PEAK1: variants seen among roughly 807,000 people sequenced by gnomAD.
PEAK1 encodes the protein inactive tyrosine-protein kinase PEAK1.
PEAK1 carries 54 observed loss-of-function variants against 124.7 expected under a neutral mutation model. The observed-to-expected ratio is 0.43, with a 90% confidence interval of 0.35 to 0.54. PEAK1 has a LOEUF of 0.54. Ranked by LOEUF, PEAK1 falls within the 20% of genes least tolerant of loss-of-function variation. The pLI, the probability that PEAK1 is intolerant of heterozygous loss-of-function variation, is 0.01. For missense variants in PEAK1, 2,046 were observed against 2,134.5 expected (o/e 0.96, Z 0.82); for synonymous variants, 719 against 760.0 (o/e 0.95, Z 0.89).
At chr15:77,203,810 T>C (rs189480211) in intron 6 of PEAK1, among the ~76,000 whole-genome samples, 2 of 151,864 alleles carry the variant, frequency 1.3e-5, no homozygotes, top group Non-Finnish European at 2.9e-5. Context: ...ACAATAAAAC[T>C]CCTAAATGAT....
intron 8 of PEAK1, among the ~76,000 whole-genome samples, chr15:77,136,707 A>C (rs1022731993): frequency 1.3e-5 from 2 of 152,158 alleles, no homozygotes; most frequent in African/African-American, 4.8e-5. Context: ...AATAAAAATC[A>C]GAAAATTTGC....
At chr15:77,194,231 C>A (rs1379028758) in intron 6 of PEAK1, among the ~76,000 whole-genome samples, 1 of 152,190 alleles carries the variant, frequency 6.6e-6, no homozygotes, top group Non-Finnish European at 1.5e-5. Flanking sequence ...TTTGACCCAT[C>A]TAGCTATAAC....
intron 8 of PEAK1, among the ~76,000 whole-genome samples, chr15:77,146,195 G>T (rs2054163960): frequency 6.6e-6 from 1 of 152,292 alleles, no homozygotes; most frequent in East Asian, 1.9e-4. Context: ...AGCGCTCAGT[G>T]CATCATCCCC....
chr15:77,285,553 T>C (rs529442460), intron 3 of PEAK1, among the ~76,000 whole-genome samples: 44 of 152,224 alleles, frequency 2.9e-4, no homozygotes, highest in Non-Finnish European at 5.0e-4. Flanking sequence ...TCAGCAGATA[T>C]GAGTCTGAAT....
rs1184239866 is a variant in PEAK1 at position 77,175,162 on chromosome 15, C to T, written c.3137+3628G>A. On this transcript the variant is annotated intron_variant, in intron 7 of 9. Coordinates refer to ENST00000682557, the MANE Select transcript of PEAK1 (RefSeq NM_001385026.1). ...ACCATAAAAACCCTAGAAGAAAACC[C>T]AGGCATTACCATTCAGGACATAGGC... is the stretch of plus-strand genomic sequence containing the variant. Among the ~76,000 whole-genome samples, 938 of 152,042 alleles carry T rather than the reference C, an allele frequency of 6.2e-3. 21 individuals carry two copies. The highest frequency in any genetic ancestry group is 0.037 in the Admixed American group (559 of 15,182).
upstream of PEAK1, chr15:77,420,259 G>C (rs1007770514): frequency 6.7e-6 from 1 of 150,344 alleles, no homozygotes; most frequent in Non-Finnish European, 1.5e-5. Context: ...TCCTGGAGCC[G>C]TGAGCACGCG....
chr15:77,300,637 T>C (rs2063738638), intron 2 of PEAK1, among the ~76,000 whole-genome samples: 1 of 152,162 alleles, frequency 6.6e-6, no homozygotes, highest in Non-Finnish European at 1.5e-5. Flanking sequence ...CTAAAGTCCA[T>C]ATTTTATTCA....
rs2050998078 is a variant in PEAK1, at chr15:77,111,906, G to C, written c.*2250C>G. The stretch of plus-strand genomic sequence containing the variant: ...CATTGCAAGATGGGAGGTGGGGGAG[G>C]TTAAGGGAATGTGCTGGCTGACATG... On this transcript the variant is annotated 3_prime_UTR_variant, in exon 10 of 10. Transcript: ENST00000682557. The C allele has an allele frequency of 6.6e-6, 1 of 152,268 alleles. No individual in the cohort carries two copies. The highest frequency in any genetic ancestry group is 6.5e-5 in the Admixed American group (1 of 15,288). 9.4% of individuals were successfully genotyped at this position (152,268 alleles called of 1,614,324 possible).
At chr15:77,164,782 C>T (rs1433805782) in intron 7 of PEAK1, among the ~76,000 whole-genome samples, 2 of 152,146 alleles carry the variant, frequency 1.3e-5, no homozygotes, top group East Asian at 1.9e-4. Context: ...GGCCTTGATT[C>T]ACTCTAAAGA....
chr15:77,313,847 G>T (rs2064693825), intron 2 of PEAK1, among the ~76,000 whole-genome samples: 1 of 151,660 alleles, frequency 6.6e-6, no homozygotes, highest in African/African-American at 2.4e-5. Flanking sequence ...CTCCCAGAGT[G>T]CTGGGATTAC....
intron 1 of PEAK1, among the ~76,000 whole-genome samples, chr15:77,411,475 T>C (rs1485074877): frequency 6.6e-6 from 1 of 152,210 alleles, no homozygotes; most frequent in Non-Finnish European, 1.5e-5. Context: ...TGGTTGATAA[T>C]TACTAGTGTG....
chr15:77,402,402 A>G (rs559969212), intron 1 of PEAK1: 1 of 985,384 alleles, frequency 1.0e-6, no homozygotes, highest in South Asian at 4.7e-5. Flanking sequence ...TCATTCAATC[A>G]ACATATCACC....
At chr15:77,158,347 A>T (rs1219094969) in intron 8 of PEAK1, 156 bp downstream of exon 8, 2 of 670,012 alleles carry the variant, frequency 3.0e-6, no homozygotes, top group Admixed American at 2.7e-5. Flanking sequence ...AGTAAACATC[A>T]GAACGTTTTT....
At chr15:77,292,911 A>G (rs1447938007) in intron 2 of PEAK1, among the ~76,000 whole-genome samples, 1 of 152,136 alleles carries the variant, frequency 6.6e-6, no homozygotes, top group East Asian at 1.9e-4. Flanking sequence ...CTTATGATCC[A>G]GTTCTATATC....
chr15:77,375,118 T>C (rs1272025172), intron 1 of PEAK1, among the ~76,000 whole-genome samples: 2 of 152,196 alleles, frequency 1.3e-5, no homozygotes, highest in South Asian at 2.1e-4. Flanking sequence ...AGAAAATATA[T>C]ACAAAGAAAA....
At chr15:77,368,007 A>G (rs1567314927) in intron 1 of PEAK1, among the ~76,000 whole-genome samples, 1 of 152,202 alleles carries the variant, frequency 6.6e-6, no homozygotes, top group Non-Finnish European at 1.5e-5. Context: ...GGCAAATGAC[A>G]GGTAAGTTGT....
At chr15:77,338,197 T>C in intron 2 of PEAK1, 1 of 773,546 alleles carries the variant, frequency 1.3e-6, no homozygotes, top group Non-Finnish European at 1.6e-6. Flanking sequence ...TGCAATCCTG[T>C]ATGGTTCAGA....
At chr15:77,172,852 A>C (rs2056602807) in intron 7 of PEAK1, among the ~76,000 whole-genome samples, 1 of 152,112 alleles carries the variant, frequency 6.6e-6, no homozygotes, top group South Asian at 2.1e-4. Flanking sequence ...TCCTGGGCTC[A>C]AACGATCCTT....
chr15:77,408,085 A>G (rs548144917), intron 1 of PEAK1, among the ~76,000 whole-genome samples: 71 of 151,114 alleles, frequency 4.7e-4, no homozygotes, highest in Middle Eastern at 3.4e-3. Context: ...ATATATACAC[A>G]TATATACACA....
Sources: gnomAD v4.1 joint callset for allele counts (sites outside exome capture counted in the v4.1 genomes callset) on GRCh38, gnomAD v4.1.1 for gene constraint, MANE v1.5 for transcripts, NCBI Gene and HGNC (gene_info 2026-07-23, HGNC 2026-07-21) for gene names.